ASAP1: variants seen among roughly 807,000 people sequenced by gnomAD.
ASAP1 encodes ArfGAP with SH3 domain, ankyrin repeat and PH domain 1.
Under a neutral mutation model 145.2 loss-of-function variants are expected in ASAP1, and 43 were observed. That is an observed-to-expected ratio of 0.30 (90% CI 0.23 to 0.38). ASAP1 has a LOEUF of 0.38. ASAP1 is among the 10% of genes least tolerant of loss of function. The probability of loss-of-function intolerance (pLI) is 1.00; values close to 1 mark genes in which losing one functional copy is unlikely to be tolerated. For synonymous variants in ASAP1, 546 were observed against 515.5 expected, an observed-to-expected ratio of 1.06 and a Z score of -0.80; for missense variants, 1,018 against 1,355.3, an observed-to-expected ratio of 0.75 and a Z score of 3.91.
At chr8:130,310,799 T>C (rs972339459) in intron 3 of ASAP1, among the ~76,000 whole-genome samples, 2 of 152,218 alleles carry the variant, frequency 1.3e-5, no homozygotes, top group Non-Finnish European at 2.9e-5. Flanking sequence ...GAAAATTTTC[T>C]GAATGGGCTC....
intron 3 of ASAP1, among the ~76,000 whole-genome samples, chr8:130,295,850 C>T (rs1399747766): frequency 6.6e-6 from 1 of 152,144 alleles, no homozygotes; most frequent in Non-Finnish European, 1.5e-5. Context: ...CAGATCTTAG[C>T]TATGCTACAT....
intron 5 of ASAP1, among the ~76,000 whole-genome samples, chr8:130,197,002 G>A (rs1050918502): frequency 6.6e-6 from 1 of 152,260 alleles, no homozygotes; most frequent in Non-Finnish European, 1.5e-5. Flanking sequence ...CTGTGATACA[G>A]AGCAAAGAAT....
At chr8:130,249,799 C>G (rs970597952) in intron 3 of ASAP1, among the ~76,000 whole-genome samples, 6 of 152,094 alleles carry the variant, frequency 3.9e-5, no homozygotes, top group African/African-American at 1.2e-4. Flanking sequence ...AGGAGAAGAT[C>G]TAGATGTGCC....
At chr8:130,159,019 C>T (rs1365339787) in intron 12 of ASAP1, among the ~76,000 whole-genome samples, 1 of 152,080 alleles carries the variant, frequency 6.6e-6, no homozygotes, top group Non-Finnish European at 1.5e-5. Flanking sequence ...GCGTGAGCCA[C>T]CGCGCCCGGC....
chr8:130,115,604 T>A (rs752036710), intron 23 of ASAP1, 24 bp downstream of exon 23: 5 of 1,564,108 alleles, frequency 3.2e-6, no homozygotes, highest in Middle Eastern at 1.7e-4. Context: ...TTGTTGAGAA[T>A]TCGAGGACAT....
chr8:130,188,799 A>C (rs1458409692), intron 5 of ASAP1, among the ~76,000 whole-genome samples: 1 of 151,888 alleles, frequency 6.6e-6, no homozygotes, highest in Non-Finnish European at 1.5e-5. Context: ...TTGTGTTCTT[A>C]AACACTATAC....
intron 3 of ASAP1, among the ~76,000 whole-genome samples, chr8:130,355,567 A>G (rs1826255941): frequency 6.6e-6 from 1 of 152,184 alleles, no homozygotes; most frequent in Non-Finnish European, 1.5e-5. Flanking sequence ...AAGTTTCCAA[A>G]TATCTCAGTT....
intron 3 of ASAP1, among the ~76,000 whole-genome samples, chr8:130,293,865 G>C (rs1822095239): frequency 6.6e-6 from 1 of 152,206 alleles, no homozygotes; most frequent in Non-Finnish European, 1.5e-5. Context: ...AACATTTACT[G>C]AATGTGCACC....
chr8:130,222,991 G>C (rs1817382755), intron 4 of ASAP1, among the ~76,000 whole-genome samples: 1 of 152,142 alleles, frequency 6.6e-6, no homozygotes. Context: ...CATGTCAGGA[G>C]ACTGAAGCTC....
chr8:130,146,312 C>G (rs2097630180), intron 13 of ASAP1, among the ~76,000 whole-genome samples: 1 of 151,754 alleles, frequency 6.6e-6, no homozygotes, highest in Non-Finnish European at 1.5e-5. Context: ...ACCTTTTTAC[C>G]CCTTAGCATA....
intron 2 of ASAP1, among the ~76,000 whole-genome samples, chr8:130,392,541 A>G (rs1262104191): frequency 1.3e-5 from 2 of 152,256 alleles, no homozygotes; most frequent in Non-Finnish European, 2.9e-5. Flanking sequence ...TCTCAAAACA[A>G]TCGTATGTAT....
At chr8:130,262,409 A>C (rs1424166992) in intron 3 of ASAP1, among the ~76,000 whole-genome samples, 4 of 112,512 alleles carry the variant, frequency 3.6e-5, no homozygotes, top group Non-Finnish European at 7.1e-5. Flanking sequence ...AAAAAAAAAA[A>C]AAAAAAAAGA....
At chr8:130,374,448 T>C (rs763105679) in intron 2 of ASAP1, among the ~76,000 whole-genome samples, 18 of 152,204 alleles carry the variant, frequency 1.2e-4, no homozygotes, top group Admixed American at 2.0e-4. Flanking sequence ...GGCAGGAGGA[T>C]TGCTTGAGCC....
At chr8:130,179,196 T>C in intron 9 of ASAP1, 68 bp downstream of exon 9, 2 of 985,600 alleles carry the variant, frequency 2.0e-6, no homozygotes, top group Non-Finnish European at 3.1e-6. Flanking sequence ...TGAAGAGGAT[T>C]AAGACAAATA....
intron 27 of ASAP1, among the ~76,000 whole-genome samples, chr8:130,074,655 A>G (rs191509377): frequency 6.6e-6 from 1 of 152,192 alleles, no homozygotes; most frequent in Non-Finnish European, 1.5e-5. Flanking sequence ...GGAGGGTACA[A>G]GGTCTACCTT....
intron 3 of ASAP1, among the ~76,000 whole-genome samples, chr8:130,267,230 A>G (rs1820317689): frequency 2.0e-5 from 3 of 152,188 alleles, no homozygotes; most frequent in Admixed American, 2.0e-4. Context: ...TGCTCAACTC[A>G]AGCCTACAGT....
At chr8:130,057,844 C>T in intron 29 of ASAP1, 110 bp downstream of exon 29, 1 of 1,401,570 alleles carries the variant, frequency 7.1e-7, no homozygotes, top group Middle Eastern at 2.5e-4. Flanking sequence ...TGACAGGGTC[C>T]TTGTGCTCAA....
At chr8:130,377,178 T>G (rs1827543254) in intron 2 of ASAP1, among the ~76,000 whole-genome samples, 1 of 151,760 alleles carries the variant, frequency 6.6e-6, no homozygotes, top group Non-Finnish European at 1.5e-5. Context: ...GCTATGAGGA[T>G]GCACAGGCAT....
chr8:130,330,858 G>C (rs1046259130), intron 3 of ASAP1, among the ~76,000 whole-genome samples: 1 of 152,232 alleles, frequency 6.6e-6, no homozygotes, highest in African/African-American at 2.4e-5. Context: ...GTGAAGCCAT[G>C]AAGAATATAC....
Sources: gnomAD v4.1 joint callset for allele counts (sites outside exome capture counted in the v4.1 genomes callset) on GRCh38, gnomAD v4.1.1 for gene constraint, MANE v1.5 for transcripts, NCBI Gene and HGNC (gene_info 2026-07-23, HGNC 2026-07-21) for gene names.